The following FRYL variants were observed in gnomAD, a reference collection of about 807,000 sequenced individuals.
FRYL encodes FRY like transcription coactivator.
FRYL carries 150 observed loss-of-function variants against 351.2 expected under a neutral mutation model. The ratio of observed to expected loss-of-function variants is 0.43; its 90% CI spans 0.37 to 0.49. FRYL has a LOEUF of 0.49. Among genes scored for constraint, FRYL ranks in the 20% least tolerant of loss-of-function variants. FRYL has a pLI of 0.00. For missense variants in FRYL, 3,036 were observed against 3,619.3 expected (o/e 0.84, Z 4.13); for synonymous variants, 1,153 against 1,257.1 (o/e 0.92, Z 1.75).
chr4:48,516,803 A>T (rs572828514), intron 55 of FRYL, among the ~76,000 whole-genome samples: 13 of 152,314 alleles, frequency 8.5e-5, no homozygotes, highest in African/African-American at 3.1e-4. Flanking sequence ...TGGTAAATGT[A>T]CGGTAAATAC....
chr4:48,557,297 G>A (rs1734339391), intron 34 of FRYL, among the ~76,000 whole-genome samples, 156 bp downstream of exon 34: 1 of 151,682 alleles, frequency 6.6e-6, no homozygotes, highest in Non-Finnish European at 1.5e-5. Context: ...AATCATATAT[G>A]GTTTTAGTAA....
At chr4:48,773,459 T>G (rs1232963925) in intron 1 of FRYL, among the ~76,000 whole-genome samples, 1 of 152,186 alleles carries the variant, frequency 6.6e-6, no homozygotes, top group Admixed American at 6.5e-5. Context: ...TATTGCCCTT[T>G]ATTTGAGTCC....
At chr4:48,644,816 C>CA (rs1756066128) in intron 3 of FRYL, among the ~76,000 whole-genome samples, 1 of 151,300 alleles carries the variant, frequency 6.6e-6, no homozygotes, top group Non-Finnish European at 1.5e-5. Flanking sequence ...AGAGCAAACC[C>CA]AAAATTATAT....
intron 3 of FRYL, among the ~76,000 whole-genome samples, chr4:48,656,378 A>ACATAT (rs1759098765): frequency 8.5e-6 from 1 of 117,160 alleles, no homozygotes; most frequent in Non-Finnish European, 1.8e-5. Context: ...TATATACTAA[A>ACATAT]TATATAATAT....
intron 3 of FRYL, among the ~76,000 whole-genome samples, chr4:48,662,678 C>A (rs1760993066): frequency 6.7e-6 from 1 of 149,820 alleles, no homozygotes; most frequent in Non-Finnish European, 1.5e-5. Context: ...GTAATCCCAG[C>A]ACTTTGGGAG....
chr4:48,779,403 G>A (rs1237867816), intron 1 of FRYL, among the ~76,000 whole-genome samples: 1 of 152,168 alleles, frequency 6.6e-6, no homozygotes, highest in South Asian at 2.1e-4. Context: ...CCAACGGCCC[G>A]GGGCTGCGCG....
At chr4:48,730,583 C>G (rs1335644244) in intron 1 of FRYL, among the ~76,000 whole-genome samples, 4 of 152,130 alleles carry the variant, frequency 2.6e-5, no homozygotes, top group African/African-American at 9.7e-5. Context: ...CAATCAACAT[C>G]CTTAAAGAAA....
intron 1 of FRYL, among the ~76,000 whole-genome samples, chr4:48,743,605 T>C (rs1324415191): frequency 6.6e-6 from 1 of 152,224 alleles, no homozygotes; most frequent in Non-Finnish European, 1.5e-5. Context: ...GTGTGATTAA[T>C]TTTATGTGTC....
chr4:48,610,710 AT>A (rs1295954046), intron 7 of FRYL, among the ~76,000 whole-genome samples: 9 of 145,508 alleles, frequency 6.2e-5, no homozygotes, highest in African/African-American at 2.0e-4. Flanking sequence ...ATATACATAT[AT>A]ATTATATACA....
At position 48,563,279 on chromosome 4, in the gene FRYL, TAA is replaced by T. The variant is rs775777275; in HGVS notation, c.3597-293_3597-292del. On this transcript the variant is annotated intron_variant, in intron 31 of 63. Coordinates refer to ENST00000358350, the MANE Select transcript of FRYL (RefSeq NM_015030.2). ...AATACACTAAAAACAGCTGATGAAC[TAA>T]AAAAAAAAAAAAAATCCATGCATAA... 3.9e-3 allele frequency among the ~76,000 whole-genome samples: 497 copies of T among 126,150 alleles called. 3 individuals are homozygous for T. Among genetic ancestry groups the T allele is most frequent in the African/African-American group, 0.013 (440 of 34,524 alleles). 82.8% of individuals were successfully genotyped at this position (126,150 alleles called of 152,430 possible). A position where few individuals can be genotyped will look rare whatever the true frequency, so the allele number is the denominator to read the frequency against.
chr4:48,626,801 A>G (rs1457761300), intron 4 of FRYL, among the ~76,000 whole-genome samples: 1 of 152,094 alleles, frequency 6.6e-6, no homozygotes, highest in Non-Finnish European at 1.5e-5. Context: ...TTTTTCTCTC[A>G]TGTGTGATTA....
chr4:48,642,355 T>C (rs551429517), intron 3 of FRYL, among the ~76,000 whole-genome samples: 1 of 152,304 alleles, frequency 6.6e-6, no homozygotes, highest in East Asian at 1.9e-4. Flanking sequence ...CGTCTTCTTT[T>C]GTGTACCTAG....
Position 48,557,764 on chromosome 4 carries a change from A to T in FRYL, c.3866-52T>A, listed in dbSNP as rs760624514. The T allele has an allele frequency of 3.1e-6, 5 of 1,591,206 alleles. No homozygotes were observed. The Admixed American group carries it at 8.5e-5, about 27-fold the overall frequency. On this transcript the variant is annotated intron_variant, in intron 33 of 63. Transcript: ENST00000358350. ...ACTGATGTAATTTCAGCTTCCTCTG[A>T]CCCGTAATTAATTCCAACAGATTTC...
At chr4:48,653,769 A>G (rs568487929) in intron 3 of FRYL, 1 of 1,291,240 alleles carries the variant, frequency 7.7e-7, no homozygotes, top group African/African-American at 1.5e-5. Context: ...AAAACACAGA[A>G]TCCTGTAGAC....
chr4:48,685,257 TAATC>T (rs1230120281), intron 2 of FRYL, among the ~76,000 whole-genome samples: 3 of 152,204 alleles, frequency 2.0e-5, no homozygotes, highest in African/African-American at 7.2e-5. Flanking sequence ...ATAATAATAA[TAATC>T]AACTACTAAT....
chr4:48,753,545 T>C (rs756184410), intron 1 of FRYL, among the ~76,000 whole-genome samples: 1 of 152,172 alleles, frequency 6.6e-6, no homozygotes, highest in Non-Finnish European at 1.5e-5. Context: ...TCGGTACAAG[T>C]CCCTTATTAG....
chr4:48,712,325 A>C (rs1292994623), intron 1 of FRYL, among the ~76,000 whole-genome samples: 1 of 152,160 alleles, frequency 6.6e-6, no homozygotes, highest in Non-Finnish European at 1.5e-5. Context: ...TTTGAAAAAA[A>C]TTTAGAGGAA....
chr4:48,507,310 A>T (rs1354526645), intron 59 of FRYL, among the ~76,000 whole-genome samples: 2 of 152,172 alleles, frequency 1.3e-5, no homozygotes, highest in Non-Finnish European at 2.9e-5. Context: ...AGCATACAAG[A>T]CATGGTAGTT....
chr4:48,612,084 A>G (rs923819127), intron 7 of FRYL, among the ~76,000 whole-genome samples: 3 of 152,134 alleles, frequency 2.0e-5, no homozygotes, highest in African/African-American at 7.2e-5. Flanking sequence ...TTACTAAATA[A>G]CCATTACATT....
Sources: allele counts gnomAD v4.1 joint callset (sites outside exome capture counted in the v4.1 genomes callset), GRCh38; gene constraint gnomAD v4.1.1; transcripts MANE v1.5; gene names NCBI Gene and HGNC (gene_info 2026-07-23, HGNC 2026-07-21).